The following BMPR1B variants were observed in gnomAD, a reference collection of about 807,000 sequenced individuals.
BMPR1B encodes the protein bone morphogenetic protein receptor type 1B.
A neutral mutation model predicts 59.1 loss-of-function variants in BMPR1B; 12 were observed. The ratio of observed to expected loss-of-function variants is 0.20; its 90% CI spans 0.13 to 0.33. The LOEUF (loss-of-function observed/expected upper bound fraction) is 0.33, where lower values mean the gene tolerates loss of function less well. BMPR1B is among the 10% of genes least tolerant of loss of function. BMPR1B has a pLI of 1.00. For missense variants in BMPR1B, 550 were observed against 610.9 expected, an observed-to-expected ratio of 0.90 and a Z score of 1.05; for synonymous variants, 237 against 207.3, an observed-to-expected ratio of 1.14 and a Z score of -1.23.
chr4:94,906,143 CT>C lies in BMPR1B; in HGVS notation c.-113+30248del, dbSNP rs564560982. ...ATTCACATTATCTCCAATGACTCTA[CT>C]TTTTCCTGGCTGCTAAAGATAAATA... On this transcript the variant is annotated intron_variant, in intron 2 of 12. Coordinates refer to ENST00000515059, the MANE Select transcript of BMPR1B (RefSeq NM_001203.3). 5.2e-3 allele frequency among the ~76,000 whole-genome samples: 794 copies of C among 152,018 alleles called. 13 individuals carry two copies. Among genetic ancestry groups the C allele is most frequent in the Non-Finnish European group, 4.1e-3 (280 of 67,950 alleles).
chr4:95,071,481 C>T (rs1229949972), intron 3 of BMPR1B, among the ~76,000 whole-genome samples: 2 of 151,886 alleles, frequency 1.3e-5, no homozygotes, highest in East Asian at 1.9e-4. Context: ...GCTGTTTAAT[C>T]TCATACTGAT....
chr4:95,132,943 A>G (rs369000675), intron 10 of BMPR1B, among the ~76,000 whole-genome samples: 204 of 151,770 alleles, frequency 1.3e-3, no homozygotes, highest in African/African-American at 4.3e-3. Context: ...CTGTACTCCA[A>G]CTTCTCCTTT....
At chr4:94,987,109 ATATATAATATGTATATATG>A (rs1273569935) in intron 2 of BMPR1B, among the ~76,000 whole-genome samples, 17 of 706 alleles carry the variant, frequency 0.024, no homozygotes, top group Non-Finnish European at 0.068. Context: ...CTATATATGT[ATATATAATATGTATATATG>A]TATATGTAAT....
chr4:94,775,934 A>C (rs1424594643), intron 1 of BMPR1B, among the ~76,000 whole-genome samples: 1 of 152,034 alleles, frequency 6.6e-6, no homozygotes, highest in Non-Finnish European at 1.5e-5. Context: ...TACTAAAAGT[A>C]TAAAAAATTA....
chr4:94,908,328 TG>T (rs1728143891), intron 2 of BMPR1B, among the ~76,000 whole-genome samples: 3 of 149,126 alleles, frequency 2.0e-5, no homozygotes, highest in Admixed American at 1.3e-4. Flanking sequence ...CATTTGAAAT[TG>T]TTTTTTTTTT....
chr4:94,850,453 A>C (rs1292983963), intron 1 of BMPR1B, among the ~76,000 whole-genome samples: 1 of 152,104 alleles, frequency 6.6e-6, no homozygotes, highest in Admixed American at 6.5e-5. Flanking sequence ...CAATCTTTCA[A>C]GATATCTGTA....
intron 3 of BMPR1B, among the ~76,000 whole-genome samples, chr4:95,053,489 G>C (rs1202486159): frequency 6.6e-6 from 1 of 152,012 alleles, no homozygotes; most frequent in African/African-American, 2.4e-5. Flanking sequence ...CTGTAAAATA[G>C]GGATAATAAT....
At position 94,891,834 on chromosome 4, in the gene BMPR1B, G is replaced by C. The variant is rs561397594; in HGVS notation, c.-113+15934G>C. On this transcript the variant is annotated intron_variant, in intron 2 of 12. Coordinates refer to ENST00000515059, the MANE Select transcript of BMPR1B (RefSeq NM_001203.3). ...TTTACAGAGAAAGAATGGTTTGCCTGTTTGTTTATTCATTCATTCAGCATT... is the reference window on the plus strand; with the variant it reads ...TTTACAGAGAAAGAATGGTTTGCCTCTTTGTTTATTCATTCATTCAGCATT... Among the ~76,000 whole-genome samples, 342 of 152,138 alleles carry C rather than the reference G, an allele frequency of 2.2e-3. 1 individual carries two copies. Among genetic ancestry groups the C allele is most frequent in the Non-Finnish European group, 2.7e-3 (186 of 67,948 alleles).
chr4:94,759,264 G>A (rs868632219), intron 1 of BMPR1B, among the ~76,000 whole-genome samples: 1 of 152,312 alleles, frequency 6.6e-6, no homozygotes, highest in Middle Eastern at 3.4e-3. Flanking sequence ...GAAAGACAAC[G>A]GAGGAAGAGA....
chr4:95,048,479 T>C (rs956217581), intron 3 of BMPR1B, among the ~76,000 whole-genome samples: 8 of 152,220 alleles, frequency 5.3e-5, no homozygotes, highest in Non-Finnish European at 1.2e-4. Context: ...TTTTTGACTT[T>C]TTAGTAATAG....
intron 2 of BMPR1B, among the ~76,000 whole-genome samples, chr4:94,977,479 CT>C (rs5741894): frequency 0.39 from 54,375 of 138,632 alleles, 10,603 homozygotes; most frequent in Middle Eastern, 0.49. Context: ...AGCAAGATGC[CT>C]TTTTTTTTTT....
At chr4:94,896,193 G>A (rs17022484) in intron 2 of BMPR1B, among the ~76,000 whole-genome samples, 4,510 of 151,950 alleles carry the variant, frequency 0.03, 140 homozygotes, top group African/African-American at 0.073. Context: ...TTTGAAAAAA[G>A]TTTATCCTCT....
chr4:95,149,457 TA>T (rs776230672), intron 11 of BMPR1B, among the ~76,000 whole-genome samples: 19 of 152,222 alleles, frequency 1.2e-4, no homozygotes, highest in South Asian at 4.1e-4. Context: ...ATCAGAGTAT[TA>T]TTTTTTTATA....
chr4:95,121,616 A>G (rs910444436), intron 6 of BMPR1B, among the ~76,000 whole-genome samples: 1 of 152,222 alleles, frequency 6.6e-6, no homozygotes, highest in East Asian at 1.9e-4. Flanking sequence ...TGAGAGAGAG[A>G]GGCATTGAGA....
rs1252430976 is a variant in BMPR1B, at chr4:95,156,060, A to G, written c.*1387A>G. The G allele has an allele frequency of 6.6e-6, 1 of 152,056 alleles. No homozygotes were observed. The highest frequency in any genetic ancestry group is 1.5e-5 in the Non-Finnish European group (1 of 67,984). 9.4% of individuals were successfully genotyped at this position (152,056 alleles called of 1,614,324 possible). On this transcript the variant is annotated 3_prime_UTR_variant, in exon 13 of 13. Transcript: ENST00000515059. ...TGATGCTCAATTCACTATTTAATTT[A>G]TTATATTTTCTCTTCTGTGGCACTT...
intron 2 of BMPR1B, among the ~76,000 whole-genome samples, chr4:94,889,167 A>G (rs865928134): frequency 6.6e-6 from 1 of 152,028 alleles, no homozygotes; most frequent in Non-Finnish European, 1.5e-5. Flanking sequence ...AATTTTAACA[A>G]TGGCGATGTT....
intron 8 of BMPR1B, among the ~76,000 whole-genome samples, chr4:95,125,965 A>T (rs1199193641): frequency 6.6e-6 from 1 of 152,014 alleles, no homozygotes; most frequent in Non-Finnish European, 1.5e-5. Context: ...CCTTTGAGTA[A>T]TTGTTTCTCA....
At chr4:95,148,244 G>A (rs1339702354) in intron 10 of BMPR1B, among the ~76,000 whole-genome samples, 1 of 152,138 alleles carries the variant, frequency 6.6e-6, no homozygotes, top group Non-Finnish European at 1.5e-5. Flanking sequence ...ATTGTCATGT[G>A]TGCATGCCCA....
At position 95,062,144 on chromosome 4, in the gene BMPR1B, G is replaced by GT. The variant is rs57958044; in HGVS notation, c.-17-42255dup. Among the ~76,000 whole-genome samples the GT allele has an allele frequency of 4.6e-4, 70 of 151,376 alleles. No homozygotes were observed. In the East Asian group the frequency reaches 5.8e-3, roughly 13 times the overall value. On this transcript the variant is annotated intron_variant, in intron 3 of 12. Transcript: ENST00000515059. ...TTCATAAATCATGCATTCTCAGGTA[G>GT]TTTTTTTTTATAGCAGTGTAAGAAC...
Sources: allele counts gnomAD v4.1 joint callset (sites outside exome capture counted in the v4.1 genomes callset), GRCh38; gene constraint gnomAD v4.1.1; transcripts MANE v1.5; gene names NCBI Gene and HGNC (gene_info 2026-07-23, HGNC 2026-07-21).